Variants in COLGALT1 observed in about 807,000 individuals in gnomAD.
COLGALT1 encodes the protein collagen beta(1-O)galactosyltransferase 1, also known as procollagen galactosyltransferase 1.
In COLGALT1, 43 loss-of-function variants were observed where a neutral mutation model predicts 60.8. The ratio of observed to expected loss-of-function variants is 0.71; its 90% CI spans 0.55 to 0.91. The LOEUF is 0.91. Ranked by LOEUF, COLGALT1 falls within the 40% of genes least tolerant of loss-of-function variation. The pLI, the probability that COLGALT1 is intolerant of heterozygous loss-of-function variation, is 0.00. For missense variants in COLGALT1, 845 were observed against 880.0 expected (o/e 0.96, Z 0.50); for synonymous variants, 369 against 374.2 (o/e 0.99, Z 0.16).
intron 3 of COLGALT1, among the ~76,000 whole-genome samples, chr19:17,564,473 G>T (rs1489769731): frequency 1.4e-5 from 2 of 139,758 alleles, no homozygotes; most frequent in African/African-American, 5.4e-5. Context: ...CTAGAGTGCA[G>T]TGGCGCCATC....
At chr19:17,580,635 GCTTTCTGGGCAAGCTCC>G in intron 10 of COLGALT1, 47 bp from the exon 11 acceptor site, 1 of 1,561,414 alleles carries the variant, frequency 6.4e-7, no homozygotes, top group Non-Finnish European at 8.8e-7. Context: ...TAGATCCCTG[GCTTTCTGGGCAAGCTCC>G]CTCCGGAGGG....
intron 1 of COLGALT1, among the ~76,000 whole-genome samples, chr19:17,557,591 C>T (rs931520705): frequency 1.3e-5 from 2 of 151,750 alleles, no homozygotes; most frequent in Admixed American, 6.6e-5. Context: ...TGAGCCACAG[C>T]GCCCTGCTGA....
chr19:17,577,545 G>GATTC, intron 8 of COLGALT1, 78 bp downstream of exon 8: 2 of 1,278,208 alleles, frequency 1.6e-6, no homozygotes, highest in Non-Finnish European at 2.1e-6. Flanking sequence ...GACGGCAAGT[G>GATTC]ATTCAGATGG....
intron 1 of COLGALT1, among the ~76,000 whole-genome samples, chr19:17,556,843 T>A (rs990856568): frequency 4.6e-5 from 7 of 152,018 alleles, no homozygotes; most frequent in Non-Finnish European, 1.0e-4. Context: ...AGCCCAGGAG[T>A]TCGAGGCTGC....
Position 17,581,378 on chromosome 19 carries a change from C to G in COLGALT1, c.1803C>G (p.Ser601Arg). The change falls in exon 12 of 12, where the codon AGC becomes AGG. Residue 601 changes from serine (S) to arginine (R), a missense_variant. Physicochemically the swap from Ser to Arg is moderately radical, Grantham distance 110. Transcript: ENST00000252599. ...SQKMREQQAL[S>R]REAKNSDVLQ... Reference sequence around the variant, plus strand: ...AGATGCGGGAGCAGCAGGCACTGAGCCGTGAGGCCAAGAACTCGGACGTGC... The same window carrying G: ...AGATGCGGGAGCAGCAGGCACTGAGGCGTGAGGCCAAGAACTCGGACGTGC... 6.2e-7 allele frequency: 1 copy of G among 1,612,982 alleles called. No homozygotes were observed. Among genetic ancestry groups the G allele is most frequent in the Non-Finnish European group, 8.5e-7 (1 of 1,179,974 alleles).
rs1328881700 is a variant in COLGALT1 at position 17,582,700 on chromosome 19, C to T, written c.*1256C>T. ...TGACTGAGTTTGATTCTTCCTGTAC[C>T]CTCGGTCGTCTGAGCTGTGTGCAGA... On this transcript the variant is annotated 3_prime_UTR_variant, in exon 12 of 12. Coordinates refer to ENST00000252599, the MANE Select transcript of COLGALT1 (RefSeq NM_024656.4). 2 of 152,242 alleles carry T rather than the reference C, an allele frequency of 1.3e-5. No homozygotes were observed. Among genetic ancestry groups the T allele is most frequent in the Non-Finnish European group, 2.9e-5 (2 of 68,068 alleles). The allele number at this position is 152,242 out of a possible 1,614,324, so 9.4% of individuals were successfully genotyped here.
At chr19:17,562,556 G>A (rs1393068218) in intron 3 of COLGALT1, among the ~76,000 whole-genome samples, 1 of 152,082 alleles carries the variant, frequency 6.6e-6, no homozygotes, top group East Asian at 1.9e-4. Flanking sequence ...CAGCTACTTG[G>A]GAGGCTGAGG....
intron 6 of COLGALT1, among the ~76,000 whole-genome samples, chr19:17,573,379 A>G (rs1176712850): frequency 4.6e-5 from 7 of 152,158 alleles, no homozygotes; most frequent in African/African-American, 7.2e-5. Context: ...TACAAAAAAA[A>G]TTAGCTGGGT....
At chr19:17,560,516 C>T in intron 3 of COLGALT1, 51 bp downstream of exon 3, 2 of 1,456,126 alleles carry the variant, frequency 1.4e-6, no homozygotes, top group Non-Finnish European at 9.6e-7. Context: ...CTGGGTATCC[C>T]CAGGGAAGGC....
intron 9 of COLGALT1, among the ~76,000 whole-genome samples, chr19:17,578,490 G>A (rs1309431632): frequency 6.6e-6 from 1 of 152,196 alleles, no homozygotes; most frequent in Admixed American, 6.5e-5. Context: ...ACCAGCCCAG[G>A]CATCCTCATC....
intron 3 of COLGALT1, chr19:17,566,041 G>C (rs917539405): frequency 5.3e-5 from 8 of 152,108 alleles, no homozygotes; most frequent in African/African-American, 1.9e-4. Context: ...CTGGGTAACA[G>C]AAAGCATCTC....
chr19:17,560,396 C>T lies in COLGALT1; in HGVS notation c.420C>T (p.Tyr140=), dbSNP rs1188093870. 9.3e-6 allele frequency: 15 copies of T among 1,614,020 alleles called. No homozygotes were observed. The highest frequency in any genetic ancestry group is 2.2e-5 in the South Asian group (2 of 91,084). Residue 140 remains tyrosine (Y), a synonymous_variant, in exon 3 of 12, where the codon TAC becomes TAT. Transcript: ENST00000252599. The part of the protein sequence containing the change: ...EGPKHWSDSR[Y]EHVMKLRQAA... Reference sequence around the variant, plus strand: ...CGAAACACTGGTCTGACTCACGCTACGAGCATGTCATGAAGTTGCGCCAGG... The same window carrying T: ...CGAAACACTGGTCTGACTCACGCTATGAGCATGTCATGAAGTTGCGCCAGG...
rs1811766107 is a variant in COLGALT1 at position 17,580,689 on chromosome 19, TG to T, written c.1395-9del. The T allele has an allele frequency of 6.2e-7, 1 of 1,613,584 alleles. No individual in the cohort carries two copies. Among genetic ancestry groups the T allele is most frequent in the South Asian group, 1.1e-5 (1 of 91,054 alleles). ...GGGAGGAGAGTGACAGGCCCGATCT[TG>T]CACCCCAGCTATGTGGGCCGGAAGC... On this transcript the variant is annotated splice_polypyrimidine_tract_variant and intron_variant, in intron 10 of 11. Coordinates refer to ENST00000252599, the MANE Select transcript of COLGALT1 (RefSeq NM_024656.4).
At chr19:17,577,820 A>C (rs1267324493) in intron 8 of COLGALT1, 137 bp from the exon 9 acceptor site, 1 of 1,174,116 alleles carries the variant, frequency 8.5e-7, no homozygotes, top group Non-Finnish European at 1.2e-6. Flanking sequence ...GTGAGGCCCC[A>C]TGTGCCCGGA....
At chr19:17,565,739 A>C (rs1452720854) in intron 3 of COLGALT1, among the ~76,000 whole-genome samples, 1 of 152,214 alleles carries the variant, frequency 6.6e-6, no homozygotes, top group Non-Finnish European at 1.5e-5. Context: ...ATACCTAGGA[A>C]TGGAATTCCT....
At chr19:17,560,017 T>C (rs1040975840) in intron 2 of COLGALT1, among the ~76,000 whole-genome samples, 2 of 152,142 alleles carry the variant, frequency 1.3e-5, no homozygotes, top group African/African-American at 2.4e-5. Flanking sequence ...CTCAAAGTGC[T>C]GGCCTCAAGC....
chr19:17,580,049 C>T, intron 10 of COLGALT1: 1 of 189,590 alleles, frequency 5.3e-6, no homozygotes, highest in Non-Finnish European at 1.1e-5. Context: ...TTGACTGAGG[C>T]CTGTGGAGGT....
chr19:17,577,474 C>T lies in COLGALT1; in HGVS notation c.1133+7C>T. ...TGGAGGCCGTGGACGGCAAGTGAGT[C>T]CGAGGCCTGGGGGTGGGGGGGCGGG... On this transcript the variant is annotated splice_region_variant and intron_variant, in intron 8 of 11. Transcript: ENST00000252599. 6 of 227,120 alleles carry T rather than the reference C, an allele frequency of 2.6e-5. No homozygotes were observed. Among genetic ancestry groups the T allele is most frequent in the Non-Finnish European group, 3.2e-5 (6 of 186,238 alleles). 14.1% of individuals were successfully genotyped at this position (227,120 alleles called of 1,614,324 possible). A position where few individuals can be genotyped will look rare whatever the true frequency, so the allele number is the denominator to read the frequency against.
rs771472876 is a variant in COLGALT1, at chr19:17,577,971, G to A, written c.1148G>A (p.Ser383Asn). 1.8e-5 allele frequency: 29 copies of A among 1,610,460 alleles called. No individual in the cohort carries two copies. In the East Asian group the frequency reaches 6.0e-4, roughly 33 times the overall value. The change falls in exon 9 of 12, where the codon AGC (serine) becomes AAC (asparagine). Residue 383 changes from serine to asparagine, a missense_variant. Ser to Asn is a conservative substitution (Grantham distance 46). Transcript: ENST00000252599. ...CTCCTCTCCAGAGCCATGAACACCA[G>A]CCAGGTGGAGGCGCTGGGGATCCAG... is the stretch of plus-strand genomic sequence containing the variant. ...EAVDGKAMNT[S>N]QVEALGIQML...
Sources: allele counts gnomAD v4.1 joint callset (sites outside exome capture counted in the v4.1 genomes callset), GRCh38; gene constraint gnomAD v4.1.1; transcripts MANE v1.5; gene names NCBI Gene and HGNC (gene_info 2026-07-23, HGNC 2026-07-21).